HLCS: variants seen among roughly 807,000 people sequenced by gnomAD.
The protein encoded by HLCS is holocarboxylase synthetase.
HLCS carries 53 observed loss-of-function variants against 75.0 expected under a neutral mutation model. The ratio of observed to expected loss-of-function variants is 0.71; its 90% CI spans 0.57 to 0.89. HLCS has a LOEUF of 0.89. HLCS is among the 40% of genes least tolerant of loss of function. The probability of loss-of-function intolerance (pLI) is 0.00; values close to 1 mark genes in which losing one functional copy is unlikely to be tolerated. For missense variants in HLCS, 966 were observed against 1,074.0 expected (o/e 0.90, Z 1.41); for synonymous variants, 431 against 428.6 (o/e 1.01, Z -0.07).
At chr21:36,961,886 G>A (rs113788568) in intron 2 of HLCS, 150 bp downstream of exon 2, 78 of 369,686 alleles carry the variant, frequency 2.1e-4, no homozygotes, top group Admixed American at 1.2e-3. Context: ...CCCAGGAGGC[G>A]GAGGTCCCAG....
At chr21:36,794,455 G>T (rs763197486) in intron 6 of HLCS, among the ~76,000 whole-genome samples, 1 of 152,202 alleles carries the variant, frequency 6.6e-6, no homozygotes, top group Admixed American at 6.5e-5. Context: ...CAGAGGCAGC[G>T]GCAAGGCCAA....
chr21:36,943,378 C>G (rs150497022), intron 2 of HLCS: 1 of 153,408 alleles, frequency 6.5e-6, no homozygotes, highest in Non-Finnish European at 1.5e-5. Context: ...AACGTATACC[C>G]AAACCCCAGC....
chr21:36,935,924 G>C (rs2146520906), intron 4 of HLCS, among the ~76,000 whole-genome samples: 1 of 152,108 alleles, frequency 6.6e-6, no homozygotes, highest in East Asian at 1.9e-4. Context: ...TTCAGCACTT[G>C]GAAGAGTGAC....
At position 36,756,715 on chromosome 21, in the gene HLCS, G is replaced by A; in HGVS notation, c.2277C>T (p.Cys759=). ...FNVTNSNPTI[C]INDLITEYNK... The stretch of plus-strand genomic sequence containing the variant: ...TGTATTCTGTGATGAGGTCGTTGAT[G>A]CAGATGGTAGGGTTACTGTTAGTCA... The change falls in exon 10 of 11, where the codon TGC becomes TGT. Residue 759 remains cysteine (C), a synonymous_variant. Transcript: ENST00000674895. 1 of 1,614,196 alleles carries A rather than the reference G, an allele frequency of 6.2e-7. No homozygotes were observed. Among genetic ancestry groups the A allele is most frequent in the Non-Finnish European group, 8.5e-7 (1 of 1,180,036 alleles).
chr21:36,787,831 T>A (rs2060736856), intron 6 of HLCS, among the ~76,000 whole-genome samples: 3 of 152,170 alleles, frequency 2.0e-5, no homozygotes, highest in South Asian at 4.1e-4. Context: ...CAGGGTTACG[T>A]AGACACTGGC....
chr21:36,891,681 G>T (rs2064793051), intron 6 of HLCS, among the ~76,000 whole-genome samples: 1 of 152,186 alleles, frequency 6.6e-6, no homozygotes, highest in Admixed American at 6.5e-5. Flanking sequence ...AAATGTCAGT[G>T]CTTGCCAGTC....
At chr21:36,823,537 CA>C (rs1954404831) in intron 6 of HLCS, among the ~76,000 whole-genome samples, 1 of 151,764 alleles carries the variant, frequency 6.6e-6, no homozygotes, top group African/African-American at 2.4e-5. Context: ...TCTGCATTCA[CA>C]AATACGTGTA....
chr21:36,977,951 C>T lies in HLCS; in HGVS notation c.-393+12207G>A, dbSNP rs575838272. Among the ~76,000 whole-genome samples, 11 of 152,294 alleles carry T rather than the reference C, an allele frequency of 7.2e-5. No individual in the cohort carries two copies. The East Asian group carries it at 2.1e-3, about 29-fold the overall frequency. On this transcript the variant is annotated intron_variant, in intron 1 of 11. Coordinates refer to the HLCS transcript ENST00000336648. ...CGCTTTCACTTCATCCTCATGAGCG[C>T]TCTTCGTGGGGAAACTATTACACAA...
chr21:36,822,342 C>A lies in HLCS; in HGVS notation c.1893-55057G>T, dbSNP rs554135225. 3.3e-5 allele frequency among the ~76,000 whole-genome samples: 5 copies of A among 152,222 alleles called. No homozygotes were observed. The East Asian group carries it at 7.7e-4, about 24-fold the overall frequency. On this transcript the variant is annotated intron_variant, in intron 6 of 10. Coordinates refer to ENST00000674895, the MANE Select transcript of HLCS (RefSeq NM_001352514.2). ...GGCTGAGGCAGAAGAATTGCTTGAA[C>A]CCGGGAGGCAGAGGTTGCAGTGAGC...
At chr21:36,877,299 T>TC (rs2146257493) in intron 6 of HLCS, among the ~76,000 whole-genome samples, 1 of 152,276 alleles carries the variant, frequency 6.6e-6, no homozygotes, top group Admixed American at 6.5e-5. Context: ...TTTATTTTTT[T>TC]CTCTCTTTTT....
intron 1 of HLCS, among the ~76,000 whole-genome samples, chr21:36,982,897 C>T (rs1179445619): frequency 1.3e-5 from 2 of 152,134 alleles, no homozygotes; most frequent in Non-Finnish European, 2.9e-5. Flanking sequence ...GCCATGGTGG[C>T]ACGCACCTGT....
intron 6 of HLCS, among the ~76,000 whole-genome samples, chr21:36,850,292 G>A (rs1011190540): frequency 5.3e-5 from 8 of 152,196 alleles, no homozygotes; most frequent in African/African-American, 1.2e-4. Context: ...GAAGGGACTC[G>A]GAGAATGGAG....
intron 6 of HLCS, among the ~76,000 whole-genome samples, chr21:36,796,881 T>C (rs1023711909): frequency 6.7e-6 from 1 of 148,230 alleles, no homozygotes; most frequent in African/African-American, 2.5e-5. Flanking sequence ...TTTTTTTTTT[T>C]CCTGCAATGG....
intron 6 of HLCS, among the ~76,000 whole-genome samples, chr21:36,851,447 T>C (rs1172836097): frequency 1.3e-5 from 2 of 152,206 alleles, no homozygotes; most frequent in East Asian, 3.8e-4. Context: ...AAACATTGTA[T>C]GTCCTTATTT....
upstream of HLCS, chr21:36,966,669 T>TC (rs2068609592): frequency 4.1e-6 from 4 of 968,010 alleles, no homozygotes; most frequent in African/African-American, 1.8e-5. Context: ...GAGCCCGCCT[T>TC]GCCCGCCCGC....
intron 6 of HLCS, among the ~76,000 whole-genome samples, chr21:36,805,201 A>G (rs963525400): frequency 1.3e-5 from 2 of 152,234 alleles, no homozygotes; most frequent in South Asian, 2.1e-4. Flanking sequence ...AGCTTGGGAA[A>G]TATGAAGTTG....
chr21:36,899,179 A>C (rs565639748), intron 5 of HLCS, among the ~76,000 whole-genome samples: 1 of 152,184 alleles, frequency 6.6e-6, no homozygotes, highest in African/African-American at 2.4e-5. Flanking sequence ...CAAAATGTTG[A>C]TAATTATTCA....
At chr21:36,868,274 G>GGAAGGAAAGAAGGAAAGAAAGAAA (rs886275509) in intron 6 of HLCS, among the ~76,000 whole-genome samples, 1 of 135,358 alleles carries the variant, frequency 7.4e-6, no homozygotes, top group Non-Finnish European at 1.5e-5. Flanking sequence ...AAGGAAGGAA[G>GGAAGGAAAGAAGGAAAGAAAGAAA]GAAAGAAAGA....
intron 5 of HLCS, among the ~76,000 whole-genome samples, chr21:36,911,748 CAAAAAAAAAAAA>C (rs11287408): frequency 2.1e-5 from 1 of 47,830 alleles, no homozygotes; most frequent in Non-Finnish European, 3.5e-5. Flanking sequence ...GACTCCGTCT[CAAAAAAAAAAAA>C]AAAAAAAAAA....
Sources: allele counts gnomAD v4.1 joint callset (sites outside exome capture counted in the v4.1 genomes callset), GRCh38; gene constraint gnomAD v4.1.1; transcripts MANE v1.5; gene names NCBI Gene and HGNC (gene_info 2026-07-23, HGNC 2026-07-21).